SLC22A12: variants seen among roughly 807,000 people sequenced by gnomAD.
The protein encoded by SLC22A12 is organic anion transporter 4-like protein.
Under a neutral mutation model 52.7 loss-of-function variants are expected in SLC22A12, and 56 were observed. The ratio of observed to expected loss-of-function variants is 1.06; its 90% CI spans 0.86 to 1.33. The LOEUF (loss-of-function observed/expected upper bound fraction) is 1.33, where lower values mean the gene tolerates loss of function less well. Ranked by LOEUF, SLC22A12 falls within the 40% of genes most tolerant of loss-of-function variation. SLC22A12 has a pLI of 0.00. For missense variants in SLC22A12, 683 were observed against 741.5 expected, an observed-to-expected ratio of 0.92 and a Z score of 0.92; for synonymous variants, 337 against 324.6, an observed-to-expected ratio of 1.04 and a Z score of -0.41.
intron 4 of SLC22A12, among the ~76,000 whole-genome samples, chr11:64,596,910 A>G (rs1177239885): frequency 6.6e-6 from 1 of 152,168 alleles, no homozygotes; most frequent in Non-Finnish European, 1.5e-5. Context: ...GGGCTGAAGA[A>G]GTGCCCATTC....
chr11:64,591,782 T>C lies in SLC22A12; in HGVS notation c.226T>C (p.Ser76Pro), dbSNP rs1460590047. The C allele has an allele frequency of 6.2e-6, 10 of 1,612,640 alleles. No individual in the cohort carries two copies. The highest frequency in any genetic ancestry group is 1.7e-5 in the Admixed American group (1 of 60,022). Residue 76 changes from serine (S) to proline (P), a missense_variant, in exon 1 of 10, where the codon TCC becomes CCC. By Grantham distance (74) the Ser-to-Pro change is moderately conservative (BLOSUM62 -1). Transcript: ENST00000377574. ...SLSPEALLAI[S>P]IPPGPNQRPH... ...GAGTCCTGAGGCCCTCCTGGCTATT[T>C]CCATCCCGCCGGGCCCCAACCAGAG...
intron 8 of SLC22A12, 48 bp from the exon 9 acceptor site, chr11:64,600,687 G>T: frequency 6.2e-7 from 1 of 1,600,388 alleles, no homozygotes. Context: ...CAGGATCAAG[G>T]CTGTGGGCAC....
rs1724264602 is a variant in SLC22A12 at position 64,601,086 on chromosome 11, C to A, written c.1598+148C>A. The stretch of plus-strand genomic sequence containing the variant: ...TGGCCCAGAGTCACACAGTACATCT[C>A]TGGGAGAGTGGCAACCCAGGGCTCA... On this transcript the variant is annotated intron_variant, in intron 9 of 9. Transcript: ENST00000377574. 4 of 1,113,782 alleles carry A rather than the reference C, an allele frequency of 3.6e-6. No individual in the cohort carries two copies. The Admixed American group carries it at 6.0e-5, about 17-fold the overall frequency. The allele number at this position is 1,113,782 out of a possible 1,614,324, so 69.0% of individuals were successfully genotyped here. A position where few individuals can be genotyped will look rare whatever the true frequency, so the allele number is the denominator to read the frequency against.
Position 64,600,822 on chromosome 11 carries a change from C to T in SLC22A12, c.1482C>T (p.Pro494=), listed in dbSNP as rs1036337455. 4.4e-6 allele frequency: 7 copies of T among 1,607,112 alleles called. No homozygotes were observed. In the African/African-American group the frequency reaches 5.3e-5, roughly 12 times the overall value. ...PLVRLLGVHG[P]WLPLLVYGTV... ...TCCGGCTGCTGGGTGTCCATGGCCC[C>T]TGGCTGCCCTTGCTGGTGTATGGGA... The change falls in exon 9 of 10, where the codon CCC becomes CCT. Residue 494 remains proline, a synonymous_variant. Transcript: ENST00000377574.
At chr11:64,596,036 T>TGGATGGA (rs1565137411) in intron 4 of SLC22A12, among the ~76,000 whole-genome samples, 3 of 2,944 alleles carry the variant, frequency 1.0e-3, no homozygotes, top group East Asian at 0.023. Flanking sequence ...GGATGGATGG[T>TGGATGGA]TGGAATAGAT....
intron 4 of SLC22A12, 143 bp from the exon 5 acceptor site, chr11:64,598,373 G>C (rs1012272913): frequency 1.7e-6 from 2 of 1,174,298 alleles, no homozygotes; most frequent in Non-Finnish European, 2.5e-6. Flanking sequence ...AGAGGGCTTG[G>C]CTGCCACAAC....
At position 64,593,233 on chromosome 11, in the gene SLC22A12, C is replaced by T. The variant is rs10897518; in HGVS notation, c.507-172C>T. On this transcript the variant is annotated intron_variant, in intron 2 of 9. Transcript: ENST00000377574. ...CTTTGGCTCTGGCCTCGGGACTCTC[C>T]TTGTGCTCCGGAGGGTTCCGTAGGT... Among the ~76,000 whole-genome samples, 77,329 of 152,230 alleles carry T rather than the reference C, an allele frequency of 0.51. 23,406 individuals carry two copies. Among genetic ancestry groups the T allele is most frequent in the Non-Finnish European group, 0.69 (47,239 of 67,996 alleles).
rs1303200745 is a variant in SLC22A12, at chr11:64,599,686, G to A, written c.1081G>A (p.Gly361Ser). 6.2e-7 allele frequency: 1 copy of A among 1,603,384 alleles called. No homozygotes were observed. Among genetic ancestry groups the A allele is most frequent in the South Asian group, 1.1e-5 (1 of 90,790 alleles). The change falls in exon 7 of 10, where the codon GGC (glycine) becomes AGC (serine). Residue 361 changes from glycine to serine, a missense_variant. Gly to Ser is a moderately conservative substitution (Grantham distance 56). Coordinates refer to ENST00000377574, the MANE Select transcript of SLC22A12 (RefSeq NM_144585.4). ...CISTLCWFAFGFTFFGLALDL... is the reference protein window; with the variant it reads ...CISTLCWFAFSFTFFGLALDL... ...TGACCCCTGCCCCAGGTTCGCCTTT[G>A]GCTTCACCTTCTTCGGCCTGGCCCT... is the stretch of plus-strand genomic sequence containing the variant.
chr11:64,597,574 T>C (rs1220512144), intron 4 of SLC22A12, among the ~76,000 whole-genome samples: 1 of 152,058 alleles, frequency 6.6e-6, no homozygotes, highest in African/African-American at 2.4e-5. Flanking sequence ...CAGCTCTATC[T>C]CTAATATGCA....
rs892069840 is a variant in SLC22A12, at chr11:64,593,732, C to T, written c.759C>T (p.Tyr253=). The part of the protein sequence containing the change: ...FGHGLTAAVA[Y]GVRDWTLLQL... ...ATGGCCTGACAGCTGCAGTGGCCTA[C>T]GGTGTGCGGGACTGGACACTGCTGC... Residue 253 remains tyrosine (Y), a synonymous_variant, in exon 4 of 10, where the codon TAC becomes TAT. Transcript: ENST00000377574. The T allele has an allele frequency of 1.2e-5, 20 of 1,613,728 alleles. No homozygotes were observed. The highest frequency in any genetic ancestry group is 4.4e-5 in the South Asian group (4 of 91,082).
chr11:64,592,072 A>C, intron 1 of SLC22A12, 114 bp downstream of exon 1: 1 of 1,481,700 alleles, frequency 6.7e-7, no homozygotes, highest in Non-Finnish European at 9.1e-7. Context: ...CCCAGGCCCC[A>C]CTCACTCTCG....
chr11:64,591,500 G>T lies in SLC22A12; in HGVS notation c.-57G>T. The T allele has an allele frequency of 6.2e-7, 1 of 1,601,536 alleles. No individual in the cohort carries two copies. ...ACAGGCCCGTTGCCCTGGCCTCTTT[G>T]CCCTGGGCCAGCCTTTGTGAAGTGG... On this transcript the variant is annotated 5_prime_UTR_variant, in exon 1 of 10. Coordinates refer to ENST00000377574, the MANE Select transcript of SLC22A12 (RefSeq NM_144585.4).
intron 4 of SLC22A12, among the ~76,000 whole-genome samples, 159 bp downstream of exon 4, chr11:64,593,962 C>A (rs1439537601): frequency 6.6e-6 from 1 of 152,318 alleles, no homozygotes; most frequent in East Asian, 1.9e-4. Context: ...GTACCACCCA[C>A]AAACCCAAGA....
intron 4 of SLC22A12, among the ~76,000 whole-genome samples, chr11:64,597,983 T>A (rs895327100): frequency 6.6e-6 from 1 of 152,054 alleles, no homozygotes; most frequent in Admixed American, 6.5e-5. Context: ...GGGACCCTGG[T>A]CCCAGCCTGA....
rs1313704424 is a variant in SLC22A12 at position 64,591,522 on chromosome 11, G to C, written c.-35G>C. The C allele has an allele frequency of 2.5e-6, 4 of 1,606,738 alleles. No individual in the cohort carries two copies. In the African/African-American group the frequency reaches 5.3e-5, roughly 21 times the overall value. ...TTTGCCCTGGGCCAGCCTTTGTGAA[G>C]TGGGCCCCTCTTCTGGGCCCCTTGA... On this transcript the variant is annotated 5_prime_UTR_variant, in exon 1 of 10. Transcript: ENST00000377574.
At chr11:64,598,945 C>T in intron 6 of SLC22A12, 22 bp downstream of exon 6, 1 of 1,611,426 alleles carries the variant, frequency 6.2e-7, no homozygotes, top group Non-Finnish European at 8.5e-7. Flanking sequence ...TCCCCCAACC[C>T]CACCTCCACA....
intron 4 of SLC22A12, 56 bp downstream of exon 4, chr11:64,593,859 G>T (rs543475316): frequency 2.5e-5 from 40 of 1,572,518 alleles, no homozygotes; most frequent in Non-Finnish European, 3.4e-5. Flanking sequence ...CTCTCCACCC[G>T]GGGGAATGGG....
In SLC22A12 at chr11:64,598,823, A is replaced by G. The variant is rs2039340652; in HGVS notation, c.970A>G (p.Met324Val). The change falls in exon 6 of 10, where the codon ATG (methionine) becomes GTG (valine). Residue 324 changes from methionine to valine, a missense_variant. By Grantham distance (21) the Met-to-Val change is conservative (BLOSUM62 1). Coordinates refer to ENST00000377574, the MANE Select transcript of SLC22A12 (RefSeq NM_144585.4). ...GCCTCCACAGGTCTTGCTTTCAGCC[A>G]TGCGGGAGGAGCTGAGCATGGGCCA... is the stretch of plus-strand genomic sequence containing the variant. ...TLTPEVLLSA[M>V]REELSMGQPP... 5.0e-6 allele frequency: 8 copies of G among 1,612,442 alleles called. No individual in the cohort carries two copies. Among genetic ancestry groups the G allele is most frequent in the African/African-American group, 1.3e-5 (1 of 74,930 alleles).
rs746103350 is a variant in SLC22A12, at chr11:64,593,647, C to G, written c.674C>G (p.Thr225Arg). 1.2e-6 allele frequency: 2 copies of G among 1,614,164 alleles called. No homozygotes were observed. Residue 225 changes from threonine (T) to arginine (R), a missense_variant, in exon 4 of 10, where the codon ACG becomes AGG. Coordinates refer to ENST00000377574, the MANE Select transcript of SLC22A12 (RefSeq NM_144585.4). ...MNTGTLLMEWTAARARPLVMT... is the reference protein window; with the variant it reads ...MNTGTLLMEWRAARARPLVMT... ...GGTCTCCTTGCAGTGATGGAGTGGA[C>G]GGCGGCACGGGCCCGACCCTTGGTG... is the stretch of plus-strand genomic sequence containing the variant.
Sources: allele counts gnomAD v4.1 joint callset (sites outside exome capture counted in the v4.1 genomes callset), GRCh38; gene constraint gnomAD v4.1.1; transcripts MANE v1.5; gene names NCBI Gene and HGNC (gene_info 2026-07-23, HGNC 2026-07-21).